The following TPRG1 variants were observed in gnomAD, a reference collection of about 807,000 sequenced individuals.
TPRG1 encodes tumor protein p63 regulated 1.
A neutral mutation model predicts 29.3 loss-of-function variants in TPRG1; 29 were observed. The observed-to-expected ratio is 0.99, with a 90% CI of 0.74 to 1.35. TPRG1 has a LOEUF of 1.35. Ranked by LOEUF, TPRG1 falls within the 40% of genes most tolerant of loss-of-function variation. The pLI is 0.00. For synonymous variants in TPRG1, 130 were observed against 116.8 expected, an observed-to-expected ratio of 1.11 and a Z score of -0.73; for missense variants, 327 against 335.0, an observed-to-expected ratio of 0.98 and a Z score of 0.19.
chr3:189,057,846 GTATA>G (rs1274903224), intron 4 of TPRG1, among the ~76,000 whole-genome samples: 1 of 108,348 alleles, frequency 9.2e-6, no homozygotes, highest in African/African-American at 6.0e-5. Context: ...ATGTATGTGT[GTATA>G]TATATACACA....
chr3:189,047,732 C>T (rs529763446), intron 4 of TPRG1, among the ~76,000 whole-genome samples: 2 of 152,326 alleles, frequency 1.3e-5, no homozygotes, highest in South Asian at 4.1e-4. Context: ...ACAATGTTCA[C>T]ATCATTTTAC....
intron 3 of TPRG1, among the ~76,000 whole-genome samples, chr3:189,014,059 G>T (rs187032611): frequency 2.0e-5 from 3 of 152,250 alleles, no homozygotes; most frequent in Middle Eastern, 6.8e-3. Context: ...ATGCTAGCTG[G>T]TTACTTTGCA....
chr3:189,146,683 A>G (rs1725307814), intron 3 of TPRG1, among the ~76,000 whole-genome samples: 1 of 152,202 alleles, frequency 6.6e-6, no homozygotes, highest in Non-Finnish European at 1.5e-5. Context: ...ATATTCTTGT[A>G]TCTTCACTGC....
At chr3:189,282,134 G>C (rs1233316762) in intron 4 of TPRG1, among the ~76,000 whole-genome samples, 2 of 141,112 alleles carry the variant, frequency 1.4e-5, no homozygotes, top group Non-Finnish European at 3.0e-5. Context: ...GCCCGCCTTG[G>C]CTGAGGTTTT....
rs1188119660 is a variant in TPRG1, at chr3:189,129,771, G to C, written c.-590+2561G>C. 3.3e-5 allele frequency among the ~76,000 whole-genome samples: 5 copies of C among 152,072 alleles called. 1 individual carries two copies. The highest frequency in any genetic ancestry group is 1.2e-4 in the African/African-American group (5 of 41,412). ...CTTTTTTCACTAAAGCACAGATGAA[G>C]AAAAAAGTATAGGATTTTGAGCTAT... On this transcript the variant is annotated intron_variant, in intron 2 of 6. Transcript: ENST00000412373.
intron 1 of TPRG1, among the ~76,000 whole-genome samples, chr3:189,111,802 T>C (rs1303533766): frequency 6.6e-6 from 1 of 152,176 alleles, no homozygotes; most frequent in East Asian, 1.9e-4. Context: ...TACCTATGAA[T>C]CAAGTCTTGC....
intron 4 of TPRG1, among the ~76,000 whole-genome samples, chr3:189,288,999 A>T (rs1170977652): frequency 6.6e-6 from 1 of 152,214 alleles, no homozygotes; most frequent in Non-Finnish European, 1.5e-5. Context: ...TCACTCACCG[A>T]TGTACTGTGT....
intron 4 of TPRG1, among the ~76,000 whole-genome samples, chr3:189,249,745 A>G (rs1741877823): frequency 6.6e-6 from 1 of 151,708 alleles, no homozygotes; most frequent in Admixed American, 6.6e-5. Context: ...ATCTTTTTTG[A>G]GTATTATCCA....
At chr3:189,204,093 AC>A (rs1402714504) in intron 1 of TPRG1, among the ~76,000 whole-genome samples, 3 of 149,478 alleles carry the variant, frequency 2.0e-5, no homozygotes, top group African/African-American at 4.9e-5. Flanking sequence ...CTAAGTTTTG[AC>A]CCTTTGTTTT....
At chr3:189,056,020 C>A (rs78770244) in intron 4 of TPRG1, among the ~76,000 whole-genome samples, 1 of 128,208 alleles carries the variant, frequency 7.8e-6, no homozygotes, top group Non-Finnish European at 1.6e-5. Context: ...CCCTCCCTCC[C>A]TTCCCTCCCT....
chr3:189,292,597 C>T (rs1719200120), intron 4 of TPRG1, among the ~76,000 whole-genome samples: 1 of 152,152 alleles, frequency 6.6e-6, no homozygotes. Context: ...ATGGCTACCA[C>T]CACTCTTACC....
chr3:189,120,696 C>T (rs1459026002), intron 1 of TPRG1, among the ~76,000 whole-genome samples: 1 of 152,176 alleles, frequency 6.6e-6, no homozygotes, highest in Non-Finnish European at 1.5e-5. Flanking sequence ...TAAAAGATGA[C>T]TGAGGGTTGG....
intron 4 of TPRG1, among the ~76,000 whole-genome samples, chr3:189,283,962 G>A (rs1484425594): frequency 6.6e-6 from 1 of 152,164 alleles, no homozygotes; most frequent in Admixed American, 6.5e-5. Flanking sequence ...CAGATAAGAT[G>A]ACTGGAGACT....
chr3:189,102,345 A>G (rs924404093), intron 1 of TPRG1, among the ~76,000 whole-genome samples: 2 of 152,158 alleles, frequency 1.3e-5, no homozygotes, highest in African/African-American at 4.8e-5. Flanking sequence ...TTCACCATCT[A>G]CATTTCCACT....
At chr3:189,235,953 G>A (rs552004699) in intron 3 of TPRG1, among the ~76,000 whole-genome samples, 3 of 152,276 alleles carry the variant, frequency 2.0e-5, no homozygotes, top group African/African-American at 7.2e-5. Flanking sequence ...TTTCTGAGCT[G>A]TACAAACACA....
chr3:189,294,594 A>G (rs568369233), intron 4 of TPRG1, among the ~76,000 whole-genome samples: 45 of 152,184 alleles, frequency 3.0e-4, no homozygotes, highest in Non-Finnish European at 2.6e-4. Context: ...TGGGGTGTGT[A>G]TCGCAGGGGG....
intron 3 of TPRG1, among the ~76,000 whole-genome samples, chr3:189,217,699 G>GTTGTAT (rs1191038042): frequency 6.6e-6 from 1 of 152,152 alleles, no homozygotes; most frequent in Non-Finnish European, 1.5e-5. Context: ...AGCGCTGCTA[G>GTTGTAT]TTGTAAAGAC....
chr3:189,106,904 G>A (rs988662020), intron 1 of TPRG1, among the ~76,000 whole-genome samples: 2 of 151,872 alleles, frequency 1.3e-5, no homozygotes, highest in African/African-American at 4.8e-5. Context: ...TCAGAGCCGA[G>A]ACTACATGTT....
chr3:189,106,164 A>G (rs1719799750), intron 1 of TPRG1, among the ~76,000 whole-genome samples: 1 of 152,176 alleles, frequency 6.6e-6, no homozygotes, highest in Non-Finnish European at 1.5e-5. Context: ...GTTTTGGTTT[A>G]TTCTTAAAAG....
Sources: gnomAD v4.1 joint callset for allele counts (sites outside exome capture counted in the v4.1 genomes callset) on GRCh38, gnomAD v4.1.1 for gene constraint, MANE v1.5 for transcripts, NCBI Gene and HGNC (gene_info 2026-07-23, HGNC 2026-07-21) for gene names.